RBFOX3: variants seen among roughly 807,000 people sequenced by gnomAD.
The protein encoded by RBFOX3 is RNA binding protein fox-1 homolog 3.
A neutral mutation model predicts 48.7 loss-of-function variants in RBFOX3; 17 were observed. That is an observed-to-expected ratio of 0.35 (90% CI 0.24 to 0.52). The LOEUF (loss-of-function observed/expected upper bound fraction) is 0.52, where lower values mean the gene tolerates loss of function less well. RBFOX3 is among the 20% of genes least tolerant of loss of function. RBFOX3 has a pLI of 0.94. For missense variants in RBFOX3, 382 were observed against 497.5 expected, an observed-to-expected ratio of 0.77 and a Z score of 2.21; for synonymous variants, 212 against 209.5, an observed-to-expected ratio of 1.01 and a Z score of -0.10.
At chr17:79,585,936 C>A (rs1157233770) in intron 1 of RBFOX3, among the ~76,000 whole-genome samples, 1 of 152,156 alleles carries the variant, frequency 6.6e-6, no homozygotes. Flanking sequence ...CTGGCACTGA[C>A]CCCCAGCTGA....
In RBFOX3 at chr17:79,299,446, T is replaced by C. The variant is rs1355158275; in HGVS notation, c.-74+8278A>G. On this transcript the variant is annotated intron_variant, in intron 3 of 14. Coordinates refer to ENST00000693108, the MANE Select transcript of RBFOX3 (RefSeq NM_001350451.2). The surrounding 1 kb of genome is among the most constrained non-coding windows in gnomAD (Gnocchi z 4.5). Reference sequence around the variant, plus strand: ...AAAAATAATGATACAACAATACAAATAACAGAAGTGAAAAAATACAGTGTC... The same window carrying C: ...AAAAATAATGATACAACAATACAAACAACAGAAGTGAAAAAATACAGTGTC... Among the ~76,000 whole-genome samples the C allele has an allele frequency of 6.6e-6, 1 of 151,990 alleles. No homozygotes were observed. The highest frequency in any genetic ancestry group is 1.5e-5 in the Non-Finnish European group (1 of 67,976).
At chr17:79,091,260 G>C (rs1459339508) in intron 14 of RBFOX3, among the ~76,000 whole-genome samples, 1 of 152,240 alleles carries the variant, frequency 6.6e-6, no homozygotes, top group African/African-American at 2.4e-5. Context: ...GTGGGCGGCA[G>C]GACTTCAGCC....
chr17:79,507,048 T>C (rs1318656315), intron 1 of RBFOX3, among the ~76,000 whole-genome samples: 3 of 152,188 alleles, frequency 2.0e-5, no homozygotes, highest in Non-Finnish European at 4.4e-5. Flanking sequence ...TGGAATCTGA[T>C]GCTGCCTGGG....
intron 4 of RBFOX3, among the ~76,000 whole-genome samples, chr17:79,117,912 G>A (rs2034536329): frequency 4.6e-5 from 7 of 152,232 alleles, no homozygotes; most frequent in Admixed American, 4.6e-4. Context: ...CAAGGGACCT[G>A]GCTGCACCAG....
intron 2 of RBFOX3, among the ~76,000 whole-genome samples, chr17:79,334,609 G>C (rs1857862836): frequency 1.3e-5 from 2 of 152,048 alleles, no homozygotes; most frequent in Admixed American, 1.3e-4. Flanking sequence ...AACCATTTCA[G>C]GAGGCTCATG....
chr17:79,219,266 G>C (rs2059427886), intron 4 of RBFOX3, among the ~76,000 whole-genome samples: 1 of 152,296 alleles, frequency 6.6e-6, no homozygotes, highest in Non-Finnish European at 1.5e-5. Context: ...CTGCTGGCTG[G>C]GCACAGGGGA....
intron 3 of RBFOX3, among the ~76,000 whole-genome samples, chr17:79,277,433 G>A (rs541683254): frequency 6.6e-6 from 1 of 152,312 alleles, no homozygotes; most frequent in African/African-American, 2.4e-5. Flanking sequence ...CATTAGCTGA[G>A]GTTCTAATTG....
intron 1 of RBFOX3, among the ~76,000 whole-genome samples, chr17:79,506,551 G>A (rs1479974654): frequency 1.3e-5 from 2 of 152,210 alleles, no homozygotes; most frequent in Non-Finnish European, 2.9e-5. Flanking sequence ...CTGCAGCACT[G>A]CCCCGGGCCA....
At chr17:79,522,300 G>T (rs2086214922) in intron 1 of RBFOX3, among the ~76,000 whole-genome samples, 1 of 152,042 alleles carries the variant, frequency 6.6e-6, no homozygotes, top group Non-Finnish European at 1.5e-5. Context: ...TCTTCCTAAA[G>T]GCAGCCCTGA....
chr17:79,317,812 C>G (rs1385858618), intron 2 of RBFOX3, among the ~76,000 whole-genome samples: 1 of 152,024 alleles, frequency 6.6e-6, no homozygotes, highest in Non-Finnish European at 1.5e-5. Context: ...AGGGTGCCAC[C>G]TTGTCTACCT....
chr17:79,579,155 C>T (rs1476624915), intron 1 of RBFOX3, among the ~76,000 whole-genome samples: 1 of 152,212 alleles, frequency 6.6e-6, no homozygotes, highest in Non-Finnish European at 1.5e-5. Context: ...GTTCTCCATG[C>T]TCTTTGGGGG....
At chr17:79,229,357 CA>C (rs1484599171) in intron 4 of RBFOX3, among the ~76,000 whole-genome samples, 1 of 149,306 alleles carries the variant, frequency 6.7e-6, no homozygotes, top group East Asian at 2.0e-4. Flanking sequence ...AGGAGTTTGA[CA>C]CCAGCCTGAC....
At chr17:79,137,024 C>T (rs1323475633) in intron 4 of RBFOX3, among the ~76,000 whole-genome samples, 1 of 152,170 alleles carries the variant, frequency 6.6e-6, no homozygotes, top group Non-Finnish European at 1.5e-5. Flanking sequence ...CCCTGGCATC[C>T]CCCAGGACTC....
Position 79,356,348 on chromosome 17 carries a change from G to GTTTTTT in RBFOX3, c.-174-48530_-174-48525dup, listed in dbSNP as rs58040659. On this transcript the variant is annotated intron_variant, in intron 2 of 14. Coordinates refer to ENST00000693108, the MANE Select transcript of RBFOX3 (RefSeq NM_001350451.2). ...ACTTTTTCACTTTTAAAACAGGGAA[G>GTTTTTT]TTTTTTTTTTTTTTTTTTTTTTTTT... Among the ~76,000 whole-genome samples the GTTTTTT allele has an allele frequency of 2.1e-4, 10 of 47,270 alleles. 1 individual carries two copies. Among genetic ancestry groups the GTTTTTT allele is most frequent in the East Asian group, 6.7e-4 (1 of 1,494 alleles). 31.0% of individuals were successfully genotyped at this position (47,270 alleles called of 152,430 possible). A position where few individuals can be genotyped will look rare whatever the true frequency, so the allele number is the denominator to read the frequency against.
At chr17:79,237,324 A>G (rs2061748778) in intron 3 of RBFOX3, among the ~76,000 whole-genome samples, 1 of 151,684 alleles carries the variant, frequency 6.6e-6, no homozygotes, top group African/African-American at 2.4e-5. Context: ...TGCATGGTTT[A>G]TGAGCCAGGC....
intron 4 of RBFOX3, among the ~76,000 whole-genome samples, chr17:79,150,630 C>T (rs1471178091): frequency 1.3e-5 from 2 of 152,128 alleles, no homozygotes; most frequent in Admixed American, 6.5e-5. Context: ...GATACCTGAC[C>T]ACCTCTGGGG....
chr17:79,194,742 C>CTGTGGGTGTGTGTGTGTG (rs1555599548), intron 4 of RBFOX3, among the ~76,000 whole-genome samples: 2 of 50,816 alleles, frequency 3.9e-5, no homozygotes, highest in African/African-American at 1.8e-4. Flanking sequence ...GAGACACTCC[C>CTGTGGGTGTGTGTGTGTG]TGTGTGTGTG....
chr17:79,386,947 C>T (rs957711996), intron 2 of RBFOX3, among the ~76,000 whole-genome samples: 10 of 152,220 alleles, frequency 6.6e-5, no homozygotes, highest in Non-Finnish European at 1.3e-4. Context: ...AAATGGAACT[C>T]AGAATTGGAA....
At chr17:79,426,494 T>C (rs972282085) in intron 2 of RBFOX3, among the ~76,000 whole-genome samples, 22 of 152,166 alleles carry the variant, frequency 1.4e-4, no homozygotes, top group Admixed American at 3.9e-4. Flanking sequence ...AACAAGACTT[T>C]CCTTCCAGCC....
Sources: gnomAD v4.1 joint callset for allele counts (sites outside exome capture counted in the v4.1 genomes callset) on GRCh38, gnomAD v4.1.1 for gene constraint, Gnocchi (gnomAD v3.1) non-coding constraint, MANE v1.5 for transcripts, NCBI Gene and HGNC (gene_info 2026-07-23, HGNC 2026-07-21) for gene names.